Variants in IPO11 observed in about 807,000 individuals in gnomAD.
IPO11 encodes importin 11.
A neutral mutation model predicts 143.2 loss-of-function variants in IPO11; 66 were observed. The observed-to-expected ratio is 0.46, with a 90% CI of 0.38 to 0.57. IPO11 has a LOEUF of 0.57. Among genes scored for constraint, IPO11 ranks in the 20% least tolerant of loss-of-function variants. The probability of loss-of-function intolerance (pLI) is 0.00; values close to 1 mark genes in which losing one functional copy is unlikely to be tolerated. For missense variants in IPO11, 1,026 were observed against 1,141.0 expected (o/e 0.90, Z 1.45); for synonymous variants, 385 against 377.8 (o/e 1.02, Z -0.22).
chr5:62,514,427 C>CA (rs1005605106), intron 19 of IPO11, among the ~76,000 whole-genome samples: 4 of 151,922 alleles, frequency 2.6e-5, no homozygotes, highest in Non-Finnish European at 5.9e-5. Context: ...CCGTCCCCAC[C>CA]AAAAAAACAC....
chr5:62,615,426 C>G (rs1040058993), intron 29 of IPO11, among the ~76,000 whole-genome samples: 2 of 152,208 alleles, frequency 1.3e-5, no homozygotes, highest in Non-Finnish European at 2.9e-5. Context: ...GAGTATCATT[C>G]AAGAAGTATT....
At chr5:62,501,593 C>T (rs1299740617) in intron 16 of IPO11, among the ~76,000 whole-genome samples, 1 of 152,162 alleles carries the variant, frequency 6.6e-6, no homozygotes, top group East Asian at 1.9e-4. Flanking sequence ...ATGAATACAT[C>T]AAAGATGCTT....
At chr5:62,484,934 T>G (rs1746344461) in intron 11 of IPO11, among the ~76,000 whole-genome samples, 1 of 152,084 alleles carries the variant, frequency 6.6e-6, no homozygotes. Flanking sequence ...TTTTTCAATT[T>G]GCTTTCTTTA....
chr5:62,540,861 TG>T (rs1381140070), intron 24 of IPO11, among the ~76,000 whole-genome samples: 1 of 152,188 alleles, frequency 6.6e-6, no homozygotes, highest in Non-Finnish European at 1.5e-5. Context: ...AGTCTCTCTA[TG>T]GGGGGAAATA....
intron 27 of IPO11, among the ~76,000 whole-genome samples, chr5:62,589,949 G>T (rs1362349007): frequency 6.6e-6 from 1 of 152,172 alleles, no homozygotes; most frequent in Non-Finnish European, 1.5e-5. Flanking sequence ...ATGAGCTGTG[G>T]GCTCAGTGGA....
intron 27 of IPO11, among the ~76,000 whole-genome samples, chr5:62,568,998 C>T (rs1162812843): frequency 6.6e-6 from 1 of 152,198 alleles, no homozygotes; most frequent in East Asian, 1.9e-4. Flanking sequence ...GTGCTGTTCA[C>T]CAGCCTGAGG....
intron 1 of IPO11, among the ~76,000 whole-genome samples, chr5:62,426,914 A>C (rs1476773291): frequency 2.1e-5 from 3 of 140,022 alleles, no homozygotes; most frequent in Admixed American, 1.5e-4. Flanking sequence ...TTCAAAATGC[A>C]CTTCTTTTTT....
At chr5:62,562,772 C>T (rs966574012) in intron 27 of IPO11, among the ~76,000 whole-genome samples, 1 of 152,154 alleles carries the variant, frequency 6.6e-6, no homozygotes, top group Non-Finnish European at 1.5e-5. Flanking sequence ...TTATTTACTT[C>T]TACTATGGTA....
chr5:62,415,816 A>G (rs1036556231), intron 1 of IPO11, among the ~76,000 whole-genome samples: 5 of 152,064 alleles, frequency 3.3e-5, no homozygotes, highest in Non-Finnish European at 7.4e-5. Context: ...TCATAGAGGA[A>G]ATGAAATACA....
chr5:62,421,188 C>A (rs561100767), intron 1 of IPO11, among the ~76,000 whole-genome samples: 170 of 152,304 alleles, frequency 1.1e-3, no homozygotes, highest in African/African-American at 3.9e-3. Context: ...TCTGCTTACA[C>A]CCTTTGTTCA....
chr5:62,449,686 A>G (rs1730951699), intron 3 of IPO11: 1 of 310,600 alleles, frequency 3.2e-6, no homozygotes, highest in Non-Finnish European at 5.9e-6. Context: ...GTGTACAAGT[A>G]ATAGAAATAA....
chr5:62,605,440 C>T (rs1745671870), intron 29 of IPO11, among the ~76,000 whole-genome samples: 2 of 152,184 alleles, frequency 1.3e-5, no homozygotes, highest in African/African-American at 2.4e-5. Flanking sequence ...GCCTCTCTCT[C>T]TACCTTTCAT....
intron 6 of IPO11, 132 bp from the exon 7 acceptor site, chr5:62,470,118 G>T: frequency 1.3e-6 from 1 of 758,702 alleles, no homozygotes. Context: ...CCAGCCAAAT[G>T]ACCAGGAGTT....
intron 27 of IPO11, among the ~76,000 whole-genome samples, chr5:62,577,386 G>A (rs1348401924): frequency 2.0e-5 from 3 of 152,022 alleles, no homozygotes; most frequent in African/African-American, 7.2e-5. Context: ...TTGGCATAAA[G>A]AACAAAATTA....
intron 1 of IPO11, among the ~76,000 whole-genome samples, chr5:62,428,493 G>A (rs946922386): frequency 2.0e-5 from 3 of 151,832 alleles, no homozygotes; most frequent in African/African-American, 4.8e-5. Context: ...ACAGATGCAC[G>A]CCACTACACC....
At chr5:62,546,248 C>G (rs1315093102) in intron 24 of IPO11, among the ~76,000 whole-genome samples, 2 of 152,140 alleles carry the variant, frequency 1.3e-5, no homozygotes, top group East Asian at 1.9e-4. Flanking sequence ...CACATATACA[C>G]CATGGAATAC....
chr5:62,425,377 G>A (rs868372988), intron 1 of IPO11, among the ~76,000 whole-genome samples: 1 of 152,190 alleles, frequency 6.6e-6, no homozygotes, highest in African/African-American at 2.4e-5. Context: ...AAGTACAATG[G>A]TGCAATCTCG....
intron 19 of IPO11, among the ~76,000 whole-genome samples, chr5:62,509,479 C>T (rs1015242138): frequency 6.6e-6 from 1 of 152,120 alleles, no homozygotes; most frequent in African/African-American, 2.4e-5. Context: ...AGTGCTTCCC[C>T]CACACCTCAA....
intron 1 of IPO11, among the ~76,000 whole-genome samples, chr5:62,437,007 T>A (rs1162062005): frequency 1.3e-5 from 2 of 152,130 alleles, no homozygotes; most frequent in Non-Finnish European, 2.9e-5. Flanking sequence ...TGTGTGTATC[T>A]CCCCTCCCTC....
Sources: allele counts gnomAD v4.1 joint callset (sites outside exome capture counted in the v4.1 genomes callset), GRCh38; gene constraint gnomAD v4.1.1; transcripts MANE v1.5; gene names NCBI Gene and HGNC (gene_info 2026-07-23, HGNC 2026-07-21).